MAP1B: variants seen among roughly 807,000 people sequenced by gnomAD.
MAP1B encodes microtubule-associated protein 1B.
In MAP1B, 12 loss-of-function variants were observed where a neutral mutation model predicts 176.1. The observed-to-expected ratio is 0.07, with a 90% CI of 0.04 to 0.11. MAP1B has a LOEUF of 0.11. Ranked by LOEUF, MAP1B falls within the 10% of genes least tolerant of loss-of-function variation. MAP1B has a pLI of 1.00. For synonymous variants in MAP1B, 1,044 were observed against 1,135.0 expected, an observed-to-expected ratio of 0.92 and a Z score of 1.61; for missense variants, 2,523 against 2,990.5, an observed-to-expected ratio of 0.84 and a Z score of 3.65.
At chr5:72,127,150 C>A (rs749943424) in intron 2 of MAP1B, among the ~76,000 whole-genome samples, 5 of 152,212 alleles carry the variant, frequency 3.3e-5, no homozygotes, top group Non-Finnish European at 5.9e-5. Flanking sequence ...GTCCCAGGCA[C>A]ATTGTTTGTT....
chr5:72,139,747 T>A (rs56142022), intron 2 of MAP1B, among the ~76,000 whole-genome samples: 1 of 151,952 alleles, frequency 6.6e-6, no homozygotes, highest in Admixed American at 6.6e-5. Context: ...AGTTTAACAA[T>A]GTATTTTTTT....
Position 72,111,235 on chromosome 5 carries a change from C to G in MAP1B, c.184+3520C>G, listed in dbSNP as rs538022811. ...GTGTCTTGCAAACTGAATTCTAGAG[C>G]CTTGTGAACGTTTTCATTGTTTCAT... On this transcript the variant is annotated intron_variant, in intron 1 of 6. Transcript: ENST00000296755. Among the ~76,000 whole-genome samples, 13 of 152,014 alleles carry G rather than the reference C, an allele frequency of 8.6e-5. 1 individual carries two copies. The highest frequency in any genetic ancestry group is 1.2e-4 in the Non-Finnish European group (8 of 68,000).
chr5:72,136,475 C>A (rs1579990059), intron 2 of MAP1B, among the ~76,000 whole-genome samples: 2 of 152,140 alleles, frequency 1.3e-5, no homozygotes, highest in Non-Finnish European at 2.9e-5. Flanking sequence ...GTCAGTATGG[C>A]CCTGTCATCC....
chr5:72,113,150 A>G (rs1745374523), intron 1 of MAP1B, among the ~76,000 whole-genome samples: 1 of 152,218 alleles, frequency 6.6e-6, no homozygotes. Flanking sequence ...CCAGCAGGAG[A>G]TACAAAGTAA....
At chr5:72,128,246 G>A (rs993640691) in intron 2 of MAP1B, among the ~76,000 whole-genome samples, 6 of 152,056 alleles carry the variant, frequency 3.9e-5, no homozygotes, top group Non-Finnish European at 7.4e-5. Flanking sequence ...GAGGGTGTGC[G>A]GATTAGTAGC....
intron 1 of MAP1B, among the ~76,000 whole-genome samples, chr5:72,110,081 A>C (rs1745298271): frequency 6.6e-6 from 1 of 152,192 alleles, no homozygotes; most frequent in Non-Finnish European, 1.5e-5. Flanking sequence ...TTTTTTAAAA[A>C]ATTCGGTTGA....
At position 72,115,685 on chromosome 5, in the gene MAP1B, T is replaced by C. The variant is rs759035477; in HGVS notation, c.185-13T>C. On this transcript the variant is annotated splice_polypyrimidine_tract_variant and intron_variant, in intron 1 of 6. Transcript: ENST00000296755. ...ACTGGAAGTCTCTCAACTGTCTTTC[T>C]TTCCCTCCCTAGGAATCCGATCATG... 6.7e-7 allele frequency: 1 copy of C among 1,501,580 alleles called. No individual in the cohort carries two copies. Among genetic ancestry groups the C allele is most frequent in the East Asian group, 2.3e-5 (1 of 44,334 alleles). 93.0% of individuals were successfully genotyped at this position (1,501,580 alleles called of 1,614,324 possible).
intron 2 of MAP1B, among the ~76,000 whole-genome samples, chr5:72,135,020 G>A (rs1745811476): frequency 1.3e-5 from 2 of 151,146 alleles, no homozygotes; most frequent in African/African-American, 4.9e-5. Flanking sequence ...GCCCAGAGCT[G>A]AGTTGGTGGA....
chr5:72,144,894 C>T (rs1340996830), intron 2 of MAP1B, among the ~76,000 whole-genome samples: 1 of 152,182 alleles, frequency 6.6e-6, no homozygotes, highest in Non-Finnish European at 1.5e-5. Context: ...TGCACTCCTT[C>T]TTATAACTGA....
chr5:72,108,563 T>A (rs947076383), intron 1 of MAP1B, among the ~76,000 whole-genome samples: 15 of 152,174 alleles, frequency 9.9e-5, no homozygotes, highest in African/African-American at 3.4e-4. Context: ...CGAATAGCGG[T>A]ACGCCGGGGA....
At chr5:72,176,437 C>T (rs1020730278) in intron 2 of MAP1B, among the ~76,000 whole-genome samples, 9 of 152,198 alleles carry the variant, frequency 5.9e-5, no homozygotes, top group Non-Finnish European at 1.3e-4. Flanking sequence ...GCCTGTTCTT[C>T]CACACTGTCA....
chr5:72,166,593 C>G (rs531198515), intron 2 of MAP1B, among the ~76,000 whole-genome samples: 1 of 152,286 alleles, frequency 6.6e-6, no homozygotes, highest in South Asian at 2.1e-4. Context: ...CTCCCTTTAG[C>G]CCTTTTTTTG....
chr5:72,145,233 T>C, intron 2 of MAP1B, among the ~76,000 whole-genome samples: 1 of 152,164 alleles, frequency 6.6e-6, no homozygotes, highest in Non-Finnish European at 1.5e-5. Context: ...GATAGAAAGA[T>C]ACTATTGGGA....
intron 2 of MAP1B, among the ~76,000 whole-genome samples, chr5:72,148,715 G>T (rs1182293181): frequency 6.6e-6 from 1 of 152,270 alleles, no homozygotes; most frequent in Non-Finnish European, 1.5e-5. Context: ...AGGTGTGTTT[G>T]CAGTAATGCA....
chr5:72,141,434 C>T (rs1006222919), intron 2 of MAP1B, among the ~76,000 whole-genome samples: 18 of 152,206 alleles, frequency 1.2e-4, no homozygotes, highest in African/African-American at 3.6e-4. Context: ...TCAGAGCCTT[C>T]ATGCTGGGTA....
At chr5:72,144,674 G>A (rs373015571) in intron 2 of MAP1B, among the ~76,000 whole-genome samples, 3 of 152,134 alleles carry the variant, frequency 2.0e-5, no homozygotes, top group East Asian at 1.9e-4. Context: ...AGGATTACAG[G>A]CATGAGCCAC....
intron 2 of MAP1B, among the ~76,000 whole-genome samples, chr5:72,141,367 C>A (rs1745944423): frequency 6.6e-6 from 1 of 152,214 alleles, no homozygotes; most frequent in Admixed American, 6.5e-5. Flanking sequence ...TTAATTTCTT[C>A]AGCAGGTTTT....
chr5:72,187,471 G>A (rs925955626), intron 4 of MAP1B, among the ~76,000 whole-genome samples: 1 of 152,124 alleles, frequency 6.6e-6, no homozygotes, highest in Non-Finnish European at 1.5e-5. Context: ...AATGCACCTT[G>A]TTTATCTAGC....
At chr5:72,158,006 A>ATTTTT (rs33987772) in intron 2 of MAP1B, among the ~76,000 whole-genome samples, 24 of 104,320 alleles carry the variant, frequency 2.3e-4, no homozygotes, top group Non-Finnish European at 2.9e-4. Flanking sequence ...CACCTGGCTA[A>ATTTTT]TTTTTTTTTT....
Sources: allele counts gnomAD v4.1 joint callset (sites outside exome capture counted in the v4.1 genomes callset), GRCh38; gene constraint gnomAD v4.1.1; transcripts MANE v1.5; gene names NCBI Gene and HGNC (gene_info 2026-07-23, HGNC 2026-07-21).